ACER1: variants seen among roughly 807,000 people sequenced by gnomAD.
ACER1 encodes the protein alkaline ceramidase 1, also known as CTB-180A7.3.
In ACER1, 28 loss-of-function variants were observed where a neutral mutation model predicts 24.9. The ratio of observed to expected loss-of-function variants is 1.13; its 90% CI spans 0.83 to 1.54. The LOEUF is 1.54. Ranked by LOEUF, ACER1 falls within the 40% of genes most tolerant of loss-of-function variation. The probability of loss-of-function intolerance (pLI) is 0.00; values close to 1 mark genes in which losing one functional copy is unlikely to be tolerated. For missense variants in ACER1, 352 were observed against 349.3 expected, an observed-to-expected ratio of 1.01 and a Z score of -0.06; for synonymous variants, 132 against 131.4, an observed-to-expected ratio of 1.00 and a Z score of -0.03.
At chr19:6,358,090 AG>A in the ACER1 span, among the ~76,000 whole-genome samples, 1 of 152,128 alleles carries the variant, frequency 6.6e-6, no homozygotes, top group Admixed American at 6.5e-5. Context: ...CCTTCTCCCC[AG>A]GGCGGGGGCA....
At chr19:6,337,672 T>C (rs1163677226), upstream of ACER1, among the ~76,000 whole-genome samples, 267 of 74,274 alleles carry the variant, frequency 3.6e-3, 8 homozygotes, top group African/African-American at 0.014. Flanking sequence ...TTTTTTTTTT[T>C]TTTTTTTTTT....
chr19:6,327,903 C>T (rs575381233), intron 1 of ACER1, among the ~76,000 whole-genome samples: 48 of 151,398 alleles, frequency 3.2e-4, no homozygotes, highest in African/African-American at 9.5e-4. Context: ...GGTGAAACCC[C>T]ATCTCTACTA....
intron 1 of ACER1, among the ~76,000 whole-genome samples, chr19:6,325,969 T>G (rs1356661181): frequency 1.3e-5 from 2 of 151,860 alleles, no homozygotes; most frequent in Non-Finnish European, 2.9e-5. Flanking sequence ...TTTTGTTTTA[T>G]TTTGAGGCAG....
At chr19:6,343,531 T>C in the ACER1 span, among the ~76,000 whole-genome samples, 1 of 151,700 alleles carries the variant, frequency 6.6e-6, no homozygotes, top group South Asian at 2.1e-4. Context: ...TCCTCCCAAC[T>C]TGTGGCTCTA....
chr19:6,319,130 C>T (rs2091617852), intron 1 of ACER1, among the ~76,000 whole-genome samples: 1 of 152,122 alleles, frequency 6.6e-6, no homozygotes, highest in Non-Finnish European at 1.5e-5. Flanking sequence ...ATAATAATAA[C>T]AGGCCTGTTA....
chr19:6,311,908 C>A (rs2091583741), intron 3 of ACER1, among the ~76,000 whole-genome samples: 1 of 152,038 alleles, frequency 6.6e-6, no homozygotes, highest in African/African-American at 2.4e-5. Context: ...GAGGAAGTCC[C>A]AGGTTATCAA....
chr19:6,321,105 AC>A (rs2091628459), intron 1 of ACER1, among the ~76,000 whole-genome samples: 1 of 151,812 alleles, frequency 6.6e-6, no homozygotes, highest in Non-Finnish European at 1.5e-5. Context: ...AAGGCATGCA[AC>A]CATCACACTA....
chr19:6,315,306 T>C lies in ACER1; in HGVS notation c.94-2807A>G, dbSNP rs2091598214. Among the ~76,000 whole-genome samples, 3 of 151,868 alleles carry C rather than the reference T, an allele frequency of 2.0e-5. No individual in the cohort carries two copies. In the Admixed American group the frequency reaches 2.0e-4, roughly 10 times the overall value. On this transcript the variant is annotated intron_variant, in intron 1 of 5. Coordinates refer to ENST00000301452, the MANE Select transcript of ACER1 (RefSeq NM_133492.3). ...GCAGCTTCGACATCCCAGGTTCAAG[T>C]AATCCTCCCACCTCAGCCCTCCAAG...
At chr19:6,349,501 G>GAAGA in the ACER1 span, among the ~76,000 whole-genome samples, 1 of 142,372 alleles carries the variant, frequency 7.0e-6, no homozygotes, top group African/African-American at 2.8e-5. Flanking sequence ...AGGAAGGAAG[G>GAAGA]AAGGAAAGAA....
chr19:6,340,781 C>CGGGGGAGAGCTCTTCCCCCGCTA, the ACER1 span, among the ~76,000 whole-genome samples: 19 of 151,946 alleles, frequency 1.3e-4, no homozygotes, highest in African/African-American at 4.3e-4. Context: ...GGGTGGGAGC[C>CGGGGGAGAGCTCTTCCCCCGCTA]GGGGGAGAGC....
chr19:6,348,546 T>A, the ACER1 span, among the ~76,000 whole-genome samples: 1 of 151,466 alleles, frequency 6.6e-6, no homozygotes, highest in Admixed American at 6.6e-5. Flanking sequence ...AGGACCAATC[T>A]GATGAGAGGG....
chr19:6,333,388 A>G, intron 1 of ACER1, 71 bp downstream of exon 1: 3 of 1,310,808 alleles, frequency 2.3e-6, no homozygotes, highest in Non-Finnish European at 1.1e-6. Context: ...TTCCCCAGTA[A>G]GGCTGTATGG....
chr19:6,348,466 A>AG, the ACER1 span, among the ~76,000 whole-genome samples: 7 of 108,854 alleles, frequency 6.4e-5, no homozygotes, highest in African/African-American at 2.9e-4. Flanking sequence ...CTCCATCTGG[A>AG]AAAAAAAAAA....
chr19:6,308,457 A>T (rs1343140771), intron 4 of ACER1, among the ~76,000 whole-genome samples: 3 of 148,658 alleles, frequency 2.0e-5, no homozygotes, highest in Non-Finnish European at 4.5e-5. Flanking sequence ...AAAAAAAAAG[A>T]TATTAACTCA....
chr19:6,344,886 G>A, the ACER1 span, among the ~76,000 whole-genome samples: 3,072 of 146,668 alleles, frequency 0.021, 38 homozygotes, highest in Non-Finnish European at 0.031. Context: ...ATTTTTTTGA[G>A]ATGGAGTCTC....
intron 1 of ACER1, among the ~76,000 whole-genome samples, chr19:6,313,270 C>G (rs2091590217): frequency 6.6e-6 from 1 of 152,132 alleles, no homozygotes; most frequent in African/African-American, 2.4e-5. Context: ...AGGTGCCCGC[C>G]ACCCCACCTG....
chr19:6,325,070 G>T (rs1180704929), intron 1 of ACER1, among the ~76,000 whole-genome samples: 1 of 152,042 alleles, frequency 6.6e-6, no homozygotes. Flanking sequence ...GCTGACTTCT[G>T]TTCCTGTTGG....
chr19:6,333,699 G>A, upstream of ACER1: 1 of 608,738 alleles, frequency 1.6e-6, no homozygotes, highest in Non-Finnish European at 2.9e-6. Flanking sequence ...CCGCTCCCCA[G>A]TTGCACCAGG....
Position 6,325,903 on chromosome 19 carries a change from C to T in ACER1, c.93+7556G>A, listed in dbSNP as rs115112242. On this transcript the variant is annotated intron_variant, in intron 1 of 5. Coordinates refer to ENST00000301452, the MANE Select transcript of ACER1 (RefSeq NM_133492.3). ...TTCAAAGCCTTAGAGGACATCTACT[C>T]ATTCTTTTTAGATTTGGTTTCCATG... Among the ~76,000 whole-genome samples the T allele has an allele frequency of 2.7e-3, 415 of 151,908 alleles. 1 individual carries two copies. Among genetic ancestry groups the T allele is most frequent in the African/African-American group, 9.4e-3 (389 of 41,478 alleles).
Sources: allele counts gnomAD v4.1 joint callset (sites outside exome capture counted in the v4.1 genomes callset), GRCh38; gene constraint gnomAD v4.1.1; transcripts MANE v1.5; gene names NCBI Gene and HGNC (gene_info 2026-07-23, HGNC 2026-07-21).